Variants in LCA5 observed in about 807,000 individuals in gnomAD.
The protein encoded by LCA5 is lebercilin LCA5.
LCA5 carries 37 observed loss-of-function variants against 53.0 expected under a neutral mutation model. The observed-to-expected ratio is 0.70, with a 90% CI of 0.54 to 0.92. The LOEUF is 0.92. Among genes scored for constraint, LCA5 ranks in the 40% least tolerant of loss-of-function variants. The pLI, the probability that LCA5 is intolerant of heterozygous loss-of-function variation, is 0.00. For synonymous variants in LCA5, 303 were observed against 282.9 expected (o/e 1.07, Z -0.71); for missense variants, 806 against 790.5 (o/e 1.02, Z -0.23).
intron 3 of LCA5, among the ~76,000 whole-genome samples, chr6:79,508,077 G>C (rs1368375546): frequency 6.6e-6 from 1 of 152,128 alleles, no homozygotes; most frequent in African/African-American, 2.4e-5. Flanking sequence ...CAAAATAAAG[G>C]TATAAAGTCA....
At chr6:79,499,897 C>G (rs1770088222) in intron 3 of LCA5, among the ~76,000 whole-genome samples, 1 of 149,096 alleles carries the variant, frequency 6.7e-6, no homozygotes, top group South Asian at 2.2e-4. Context: ...CTTCCTGTGT[C>G]CATGTGTTCT....
chr6:79,514,661 C>T (rs1047905073), intron 2 of LCA5, among the ~76,000 whole-genome samples: 21 of 152,104 alleles, frequency 1.4e-4, no homozygotes, highest in African/African-American at 5.1e-4. Flanking sequence ...CACATATACA[C>T]CATGGAATAC....
intron 3 of LCA5, among the ~76,000 whole-genome samples, chr6:79,510,118 G>A (rs940309727): frequency 6.6e-6 from 1 of 152,180 alleles, no homozygotes; most frequent in African/African-American, 2.4e-5. Context: ...TATGGATGCT[G>A]TAGGTAATCA....
chr6:79,524,414 C>T (rs1766720892), intron 1 of LCA5, among the ~76,000 whole-genome samples: 1 of 152,184 alleles, frequency 6.6e-6, no homozygotes, highest in African/African-American at 2.4e-5. Flanking sequence ...ACACTTGTTA[C>T]TTTTCATACA....
chr6:79,538,074 A>C (rs1767213412), upstream of LCA5, among the ~76,000 whole-genome samples: 1 of 111,074 alleles, frequency 9.0e-6, no homozygotes, highest in South Asian at 3.1e-4. Flanking sequence ...TTTGAGGAGC[A>C]TGTCAGCCTA....
intron 1 of LCA5, among the ~76,000 whole-genome samples, chr6:79,533,387 A>G (rs552585992): frequency 2.0e-4 from 31 of 152,236 alleles, no homozygotes; most frequent in African/African-American, 7.0e-4. Flanking sequence ...TATGTATCCC[A>G]TTAGTTCCCT....
chr6:79,489,640 C>A (rs1769782324), intron 6 of LCA5, among the ~76,000 whole-genome samples: 1 of 151,962 alleles, frequency 6.6e-6, no homozygotes, highest in Admixed American at 6.6e-5. Context: ...TATGTCCAAC[C>A]CCCAATTAAT....
intron 1 of LCA5, among the ~76,000 whole-genome samples, chr6:79,534,000 T>C (rs894766682): frequency 1.3e-5 from 2 of 150,606 alleles, no homozygotes; most frequent in African/African-American, 4.9e-5. Context: ...GCAAAAAAGA[T>C]GAGATAAAAG....
At chr6:79,492,235 T>C (rs1769864172) in intron 5 of LCA5, among the ~76,000 whole-genome samples, 4 of 151,992 alleles carry the variant, frequency 2.6e-5, no homozygotes, top group Admixed American at 2.0e-4. Context: ...CTACATGATA[T>C]GTAAATGAAA....
At chr6:79,488,841 A>G (rs1166713067) in intron 7 of LCA5, 3 of 543,774 alleles carry the variant, frequency 5.5e-6, no homozygotes, top group Non-Finnish European at 9.6e-6. Context: ...TTCTGAATGC[A>G]ACTTGTCCTT....
intron 1 of LCA5, among the ~76,000 whole-genome samples, chr6:79,527,452 A>C (rs1264906369): frequency 6.6e-6 from 1 of 152,192 alleles, no homozygotes; most frequent in Non-Finnish European, 1.5e-5. Context: ...ACAAACTATA[A>C]GATTTAATAC....
chr6:79,518,982 G>T lies in LCA5; in HGVS notation c.-88C>A. On this transcript the variant is annotated 5_prime_UTR_variant, in exon 2 of 8. In the 5' UTR this introduces an upstream ATG that the reference lacks. Transcript: ENST00000369846. ...GACAATACTGAAAAACATTTTCACA[G>T]TCTTCAGATCCTGATAATATTCATT... The T allele has an allele frequency of 8.4e-7, 1 of 1,184,462 alleles. No individual in the cohort carries two copies. The highest frequency in any genetic ancestry group is 1.3e-6 in the Non-Finnish European group (1 of 791,300). 73.4% of individuals were successfully genotyped at this position (1,184,462 alleles called of 1,614,324 possible).
chr6:79,503,772 A>T (rs1665321589), intron 3 of LCA5, among the ~76,000 whole-genome samples: 1 of 152,198 alleles, frequency 6.6e-6, no homozygotes, highest in Admixed American at 6.5e-5. Flanking sequence ...ATGGTGTATA[A>T]CCAGAATTTG....
At chr6:79,536,318 A>T (rs374374814) in intron 1 of LCA5, among the ~76,000 whole-genome samples, 176 of 152,326 alleles carry the variant, frequency 1.2e-3, no homozygotes, top group African/African-American at 3.9e-3. Flanking sequence ...TCCCTCTGCC[A>T]AAAACTAAAT....
At chr6:79,493,224 A>G (rs1769889691) in intron 4 of LCA5, among the ~76,000 whole-genome samples, 1 of 152,168 alleles carries the variant, frequency 6.6e-6, no homozygotes, top group African/African-American at 2.4e-5. Flanking sequence ...TACTTTCTCT[A>G]AACACTGTGA....
chr6:79,530,890 A>G (rs1009947612), intron 1 of LCA5, among the ~76,000 whole-genome samples: 8 of 152,220 alleles, frequency 5.3e-5, no homozygotes, highest in Non-Finnish European at 8.8e-5. Flanking sequence ...ACCAAAAAAA[A>G]GAAACAAATA....
chr6:79,533,743 A>G (rs959173228), intron 1 of LCA5, among the ~76,000 whole-genome samples: 3 of 151,830 alleles, frequency 2.0e-5, no homozygotes, highest in South Asian at 4.1e-4. Context: ...TCCATTGTAT[A>G]TAAATATCAT....
At chr6:79,513,818 G>C in intron 2 of LCA5, 77 bp from the exon 3 acceptor site, 1 of 1,308,246 alleles carries the variant, frequency 7.6e-7, no homozygotes, top group South Asian at 1.2e-5. Flanking sequence ...AACACAAGTG[G>C]GTCCGTAACA....
chr6:79,532,119 T>C (rs1024057595), intron 1 of LCA5, among the ~76,000 whole-genome samples: 1 of 152,226 alleles, frequency 6.6e-6, no homozygotes. Context: ...GACTCAAATC[T>C]AAAGATTGTC....
Sources: allele counts gnomAD v4.1 joint callset (sites outside exome capture counted in the v4.1 genomes callset), GRCh38; gene constraint gnomAD v4.1.1; transcripts MANE v1.5; gene names NCBI Gene and HGNC (gene_info 2026-07-23, HGNC 2026-07-21).